WWOX: variants seen among roughly 807,000 people sequenced by gnomAD.
The protein encoded by WWOX is WW domain containing oxidoreductase.
WWOX carries 69 observed loss-of-function variants against 46.2 expected under a neutral mutation model. The ratio of observed to expected loss-of-function variants is 1.49; its 90% CI spans 1.23 to 1.82. The LOEUF (loss-of-function observed/expected upper bound fraction) is 1.82, where lower values mean the gene tolerates loss of function less well. WWOX is among the 40% of genes most tolerant of loss of function. WWOX has a pLI of 0.00. For synonymous variants in WWOX, 359 were observed against 202.6 expected, an observed-to-expected ratio of 1.77 and a Z score of -6.56; for missense variants, 919 against 542.6, an observed-to-expected ratio of 1.69 and a Z score of -6.89.
intron 5 of WWOX, among the ~76,000 whole-genome samples, chr16:78,236,835 G>T (rs2037455201): frequency 6.6e-6 from 1 of 152,120 alleles, no homozygotes. Context: ...CCAGCACTTT[G>T]GGAGGCCGAG....
chr16:78,953,856 T>A lies in WWOX; in HGVS notation c.1057-257752T>A, dbSNP rs183163818. 3.9e-4 allele frequency among the ~76,000 whole-genome samples: 59 copies of A among 152,354 alleles called. No homozygotes were observed. In the East Asian group the frequency reaches 0.011, roughly 27 times the overall value. ...CACTCTCCACTCTCCTGTAGCATTTTTGGGCTTTGAGTTTATTTGACACTT... is the reference window on the plus strand; with the variant it reads ...CACTCTCCACTCTCCTGTAGCATTTATGGGCTTTGAGTTTATTTGACACTT... On this transcript the variant is annotated intron_variant, in intron 8 of 8. Coordinates refer to ENST00000566780, the MANE Select transcript of WWOX (RefSeq NM_016373.4).
intron 5 of WWOX, among the ~76,000 whole-genome samples, chr16:78,246,368 C>G (rs1263097384): frequency 6.6e-6 from 1 of 151,942 alleles, no homozygotes; most frequent in Non-Finnish European, 1.5e-5. Flanking sequence ...CTTTTTTTTC[C>G]CCTTCTGTTT....
chr16:79,090,564 G>T (rs2048939288), intron 8 of WWOX, among the ~76,000 whole-genome samples: 1 of 152,232 alleles, frequency 6.6e-6, no homozygotes, highest in South Asian at 2.1e-4. Flanking sequence ...ATTCATTCCT[G>T]TTTAGAGGGC....
chr16:78,791,880 AAAAC>A (rs1409108991), intron 8 of WWOX, among the ~76,000 whole-genome samples: 1 of 152,180 alleles, frequency 6.6e-6, no homozygotes, highest in African/African-American at 2.4e-5. Flanking sequence ...TTTTGTCTCA[AAAAC>A]AACAACAACA....
intron 8 of WWOX, among the ~76,000 whole-genome samples, chr16:78,824,896 C>T (rs1253599338): frequency 6.6e-6 from 1 of 152,136 alleles, no homozygotes; most frequent in Non-Finnish European, 1.5e-5. Context: ...GGAAGCGACA[C>T]ACCTTTCCTT....
chr16:78,911,523 A>G (rs2045110899), intron 8 of WWOX, among the ~76,000 whole-genome samples: 1 of 152,004 alleles, frequency 6.6e-6, no homozygotes, highest in African/African-American at 2.4e-5. Context: ...TCTTTTGGTA[A>G]TTGAATGAAA....
chr16:78,983,237 G>A (rs536232431), intron 8 of WWOX, among the ~76,000 whole-genome samples: 1 of 152,288 alleles, frequency 6.6e-6, no homozygotes, highest in South Asian at 2.1e-4. Flanking sequence ...TGTTTATCCT[G>A]AAATGAATGG....
chr16:78,737,559 A>G (rs28653504), intron 8 of WWOX, among the ~76,000 whole-genome samples: 96 of 152,242 alleles, frequency 6.3e-4, no homozygotes, highest in African/African-American at 2.1e-3. Flanking sequence ...ACTGTAGCCA[A>G]TATGTAGTCT....
At position 79,057,215 on chromosome 16, in the gene WWOX, G is replaced by C. The variant is rs571556276; in HGVS notation, c.1057-154393G>C. On this transcript the variant is annotated intron_variant, in intron 8 of 8. Coordinates refer to ENST00000566780, the MANE Select transcript of WWOX (RefSeq NM_016373.4). ...CCTTTTAATGGTTGAGACAAGAATTGCCTGGACCTCTTTTAGGATACATCA... is the reference window on the plus strand; with the variant it reads ...CCTTTTAATGGTTGAGACAAGAATTCCCTGGACCTCTTTTAGGATACATCA... Among the ~76,000 whole-genome samples, 14 of 151,412 alleles carry C rather than the reference G, an allele frequency of 9.2e-5. No homozygotes were observed. In the East Asian group the frequency reaches 2.8e-3, roughly 30 times the overall value.
At chr16:78,929,136 A>T (rs994752926) in intron 8 of WWOX, among the ~76,000 whole-genome samples, 11 of 152,204 alleles carry the variant, frequency 7.2e-5, no homozygotes, top group African/African-American at 2.4e-4. Context: ...CAAGAAATCC[A>T]TTTAAGAATA....
chr16:78,099,961 A>G (rs2031647148), intron 1 of WWOX, 76 bp downstream of exon 1: 3 of 1,528,242 alleles, frequency 2.0e-6, no homozygotes, highest in African/African-American at 1.4e-5. Context: ...CGCGGGGAGG[A>G]CGCGCACTCC....
intron 8 of WWOX, among the ~76,000 whole-genome samples, chr16:79,157,526 C>G (rs928838102): frequency 1.3e-5 from 2 of 151,990 alleles, no homozygotes; most frequent in African/African-American, 4.8e-5. Context: ...ATCTCTAAGG[C>G]ATTTGGCATG....
intron 8 of WWOX, among the ~76,000 whole-genome samples, chr16:78,842,755 G>A (rs2052192290): frequency 6.6e-6 from 1 of 151,090 alleles, no homozygotes; most frequent in South Asian, 2.1e-4. Flanking sequence ...AGGAGGCTGA[G>A]GCAGTAGATT....
intron 8 of WWOX, among the ~76,000 whole-genome samples, chr16:78,453,285 A>G (rs554221162): frequency 5.9e-5 from 9 of 151,958 alleles, no homozygotes; most frequent in East Asian, 2.0e-4. Context: ...TTAGTTGGGC[A>G]TGGTAGCGGT....
chr16:78,841,375 G>A (rs966665409), intron 8 of WWOX, among the ~76,000 whole-genome samples: 2 of 152,138 alleles, frequency 1.3e-5, no homozygotes, highest in East Asian at 1.9e-4. Context: ...TGCCCTTAGC[G>A]AGCAGCTCAT....
intron 7 of WWOX, among the ~76,000 whole-genome samples, chr16:78,430,625 C>G (rs1346979546): frequency 6.6e-6 from 1 of 152,160 alleles, no homozygotes; most frequent in Non-Finnish European, 1.5e-5. Flanking sequence ...CTGCTGAGTT[C>G]CATTGCCTTA....
In WWOX at chr16:78,688,329, TCA is replaced by T. The variant is rs1411654895; in HGVS notation, c.1056+255579_1056+255580del. ...ATAGGAAAATTTTCTGAGAGAAAATTCACGAGATCATTCATGATGAGTCACTA... is the reference window on the plus strand; with the variant it reads ...ATAGGAAAATTTTCTGAGAGAAAATTCGAGATCATTCATGATGAGTCACTA... On this transcript the variant is annotated intron_variant, in intron 8 of 8. Coordinates refer to ENST00000566780, the MANE Select transcript of WWOX (RefSeq NM_016373.4). Among the ~76,000 whole-genome samples, 3 of 151,314 alleles carry T rather than the reference TCA, an allele frequency of 2.0e-5. No individual in the cohort carries two copies. The East Asian group carries it at 5.8e-4, about 29-fold the overall frequency.
intron 8 of WWOX, among the ~76,000 whole-genome samples, chr16:79,209,558 C>G (rs2051643775): frequency 6.6e-6 from 1 of 152,150 alleles, no homozygotes; most frequent in East Asian, 1.9e-4. Context: ...ATTCTCCCAC[C>G]ACTCGGGAGT....
chr16:78,861,690 A>G (rs1379130015), intron 8 of WWOX, among the ~76,000 whole-genome samples: 1 of 152,212 alleles, frequency 6.6e-6, no homozygotes, highest in Non-Finnish European at 1.5e-5. Context: ...AAATATTATA[A>G]ATGTCATCTT....
Sources: allele counts gnomAD v4.1 joint callset (sites outside exome capture counted in the v4.1 genomes callset), GRCh38; gene constraint gnomAD v4.1.1; transcripts MANE v1.5; gene names NCBI Gene and HGNC (gene_info 2026-07-23, HGNC 2026-07-21).